FLII: variants seen among roughly 807,000 people sequenced by gnomAD.
FLII encodes the protein protein flightless-1 homolog.
FLII carries 101 observed loss-of-function variants against 156.2 expected under a neutral mutation model. The observed-to-expected ratio is 0.65, with a 90% confidence interval of 0.55 to 0.76. FLII has a LOEUF of 0.76. FLII is among the 30% of genes least tolerant of loss of function. The pLI is 0.00. For synonymous variants in FLII, 767 were observed against 685.8 expected, an observed-to-expected ratio of 1.12 and a Z score of -1.85; for missense variants, 1,675 against 1,682.8, an observed-to-expected ratio of 1.00 and a Z score of 0.08.
intron 11 of FLII, 83 bp from the exon 12 acceptor site, chr17:18,251,899 C>CA: frequency 6.2e-7 from 1 of 1,605,656 alleles, no homozygotes. Context: ...CAACTCCACC[C>CA]ACCAGGGTCC....
rs1328401981 is a variant in FLII, at chr17:18,254,798, G to A, written c.384C>T (p.Asn128=). The A allele has an allele frequency of 8.7e-6, 14 of 1,614,158 alleles. No homozygotes were observed. Among genetic ancestry groups the A allele is most frequent in the Non-Finnish European group, 1.2e-5 (14 of 1,180,026 alleles). ...ECPRELENAK[N]MLVLNLSHNS... ...TGTGGCTGAGGTTCAGCACCAGCAT[G>A]TTCTTGGCGTTCTCCAGCTCCCGCG... Residue 128 remains asparagine, a synonymous_variant, in exon 5 of 30, where the codon AAC becomes AAT. Coordinates refer to ENST00000327031, the MANE Select transcript of FLII (RefSeq NM_002018.4).
At chr17:18,247,538 T>G (rs2048118867) in intron 20 of FLII, 119 bp downstream of exon 20, 1 of 1,100,738 alleles carries the variant, frequency 9.1e-7, no homozygotes, top group Non-Finnish European at 1.3e-6. Flanking sequence ...CTGGGCAGAG[T>G]CAGCAAAGAG....
chr17:18,246,771 C>T lies in FLII; in HGVS notation c.2874G>A (p.Lys958=), dbSNP rs2048074206. Residue 958 remains lysine, a synonymous_variant, in exon 23 of 30, where the codon AAG becomes AAA. Coordinates refer to ENST00000327031, the MANE Select transcript of FLII (RefSeq NM_002018.4). ...CTTCCTCGCCTTCTTTGCCCTCGGC[C>T]TTCTCCTCCTTGTCTTCCTTCTTTT... ...EEEKKEDKEE[K]AEGKEGEEAT... is the part of the protein sequence containing the mutation. 6.2e-7 allele frequency: 1 copy of T among 1,613,936 alleles called. No individual in the cohort carries two copies. Among genetic ancestry groups the T allele is most frequent in the Non-Finnish European group, 8.5e-7 (1 of 1,179,898 alleles).
At position 18,245,808 on chromosome 17, in the gene FLII, C is replaced by T. The variant is rs770548748; in HGVS notation, c.3439G>A (p.Gly1147Ser). 1.2e-6 allele frequency: 2 copies of T among 1,614,042 alleles called. No individual in the cohort carries two copies. The highest frequency in any genetic ancestry group is 2.2e-5 in the East Asian group (1 of 44,866). ...GEEPENFFWV[G>S]IGAQKPYDDD... ...TCATAGGGCTTCTGTGCCCCAATGC[C>T]CACCCAGAAGAAGTTCTCAGGCTCC... The change falls in exon 27 of 30, where the codon GGC (glycine) becomes AGC (serine). Residue 1147 changes from glycine (G) to serine (S), a missense_variant. Around this residue, in one of 2 missense-constraint regions of FLII, gnomAD observed 1,332 missense variants for 1,269.3 expected, o/e 1.05. Transcript: ENST00000327031.
Position 18,258,419 on chromosome 17 carries a change from G to A in FLII, c.63+209C>T, listed in dbSNP as rs925664369. 2.1e-6 allele frequency: 3 copies of A among 1,430,998 alleles called. No individual in the cohort carries two copies. Among genetic ancestry groups the A allele is most frequent in the Non-Finnish European group, 2.8e-6 (3 of 1,070,390 alleles). 88.6% of individuals were successfully genotyped at this position (1,430,998 alleles called of 1,614,324 possible). On this transcript the variant is annotated intron_variant, in intron 1 of 29. Coordinates refer to ENST00000327031, the MANE Select transcript of FLII (RefSeq NM_002018.4). The surrounding 1 kb of genome is among the most constrained non-coding windows in gnomAD (Gnocchi z 4.2). ...ACTCCGAGCCCAAGCGTCCGTCCCC[G>A]GCCTGCCCAGCCTCGGTCTCCCCGT...
chr17:18,252,106 G>A lies in FLII; in HGVS notation c.1139C>T (p.Pro380Leu). 6.2e-7 allele frequency: 1 copy of A among 1,613,404 alleles called. No individual in the cohort carries two copies. The highest frequency in any genetic ancestry group is 8.5e-7 in the Non-Finnish European group (1 of 1,180,028). ...VRENPNLVMP[P>L]KPADRAAEWY... ...CTCAGCGGCACGGTCTGCGGGCTTG[G>A]GCGGCATGACCAGGTTGGGGTTCTC... The change falls in exon 11 of 30, where the codon CCC (proline) becomes CTC (leucine). Residue 380 changes from proline to leucine, a missense_variant. This residue lies in a region of FLII where 1,332 missense variants were observed against 1,269.3 expected (regional missense o/e 1.05). Coordinates refer to ENST00000327031, the MANE Select transcript of FLII (RefSeq NM_002018.4).
intron 29 of FLII, 24 bp downstream of exon 29, chr17:18,245,330 C>T (rs775707771): frequency 2.0e-5 from 32 of 1,614,002 alleles, no homozygotes; most frequent in African/African-American, 6.7e-5. Context: ...AGGCCCACCT[C>T]GGCCCTCCCT....
Position 18,255,172 on chromosome 17 carries a change from T to C in FLII, c.327+11A>G. 1 of 1,606,902 alleles carries C rather than the reference T, an allele frequency of 6.2e-7. No individual in the cohort carries two copies. The highest frequency in any genetic ancestry group is 1.1e-5 in the South Asian group (1 of 90,950). The stretch of plus-strand genomic sequence containing the variant: ...CTAGCACAGGGGCCAGGTGAGTGGG[T>C]AGCCACTGACCAGGACTGAGAGATC... On this transcript the variant is annotated intron_variant, in intron 4 of 29. Transcript: ENST00000327031.
At position 18,248,831 on chromosome 17, in the gene FLII, G is replaced by A; in HGVS notation, c.1987C>T (p.Gln663Ter). The A allele has an allele frequency of 6.2e-7, 1 of 1,613,798 alleles. No individual in the cohort carries two copies. The highest frequency in any genetic ancestry group is 1.3e-5 in the African/African-American group (1 of 75,052). Residue 663 changes from glutamine (Q) to a stop codon, truncating the protein, a stop_gained, in exon 17 of 30, where the codon CAG (glutamine) becomes TAG (stop). Coordinates refer to ENST00000327031, the MANE Select transcript of FLII (RefSeq NM_002018.4). LOFTEE classifies it high-confidence loss of function. Reference protein sequence around the residue: ...GLDIYVWRGAQATLSSTTKAR... With the variant: ...GLDIYVWRGA Reference sequence around the variant, plus strand: ...TTGGTGGTGCTGCTCAGTGTGGCCTGGGCCCCCCGCCATACGTAGATGTCT... The same window carrying A: ...TTGGTGGTGCTGCTCAGTGTGGCCTAGGCCCCCCGCCATACGTAGATGTCT...
intron 16 of FLII, 90 bp from the exon 17 acceptor site, chr17:18,248,973 T>C: frequency 7.0e-7 from 1 of 1,422,228 alleles, no homozygotes; most frequent in Non-Finnish European, 9.9e-7. Context: ...AATCCCTCAC[T>C]ATGGGGTTTC....
intron 10 of FLII, 49 bp downstream of exon 10, chr17:18,252,423 C>T: frequency 6.4e-7 from 1 of 1,563,776 alleles, no homozygotes; most frequent in Non-Finnish European, 8.8e-7. Flanking sequence ...CTCCAGGGCA[C>T]ACCCCTTGCT....
rs748524652 is a variant in FLII at position 18,252,120 on chromosome 17, G to A, written c.1125C>T (p.Asn375=). 6.2e-7 allele frequency: 1 copy of A among 1,613,392 alleles called. No individual in the cohort carries two copies. The highest frequency in any genetic ancestry group is 1.1e-5 in the South Asian group (1 of 91,090). Residue 375 remains asparagine, a synonymous_variant, in exon 11 of 30, where the codon AAC becomes AAT. Transcript: ENST00000327031. The stretch of plus-strand genomic sequence containing the variant: ...CTGCGGGCTTGGGCGGCATGACCAG[G>A]TTGGGGTTCTCCCGCACATCCAGGA... ...IEVLDVRENP[N]LVMPPKPADR...
Position 18,258,379 on chromosome 17 carries a change from C to A in FLII, c.63+249G>T, listed in dbSNP as rs887764867. ...CGGACGCGGGGTGGGGGCTCCCGGC[C>A]GGGCCCCCGGCGGGACTCCGAGCCC... On this transcript the variant is annotated intron_variant, in intron 1 of 29. Coordinates refer to ENST00000327031, the MANE Select transcript of FLII (RefSeq NM_002018.4). The surrounding 1 kb of genome is among the most constrained non-coding windows in gnomAD (Gnocchi z 4.2). The A allele has an allele frequency of 2.8e-6, 3 of 1,088,398 alleles. No homozygotes were observed. Among genetic ancestry groups the A allele is most frequent in the Middle Eastern group, 2.2e-4 (1 of 4,636 alleles). The allele number at this position is 1,088,398 out of a possible 1,614,324, so 67.4% of individuals were successfully genotyped here.
At position 18,256,940 on chromosome 17, in the gene FLII, A is replaced by T. The variant is rs1229031001; in HGVS notation, c.143T>A (p.Leu48Gln). The T allele has an allele frequency of 3.1e-6, 5 of 1,611,536 alleles. No homozygotes were observed. The highest frequency in any genetic ancestry group is 3.4e-6 in the Non-Finnish European group (4 of 1,179,074). ...CTGCAGGGCGGCCAGCTCCTCGGGC[A>T]GGTAGCAGAGGCCAGTGCGGTTCAG... ...LKLNRTGLCY[L>Q]PEELAALQKL... The change falls in exon 2 of 30, where the codon CTG becomes CAG. Residue 48 changes from leucine to glutamine, a missense_variant. Physicochemically the swap from Leu to Gln is moderately radical, Grantham distance 113 (BLOSUM62 -2). Around this residue, in one of 2 missense-constraint regions of FLII, gnomAD observed 343 missense variants for 413.5 expected, o/e 0.83. Coordinates refer to ENST00000327031, the MANE Select transcript of FLII (RefSeq NM_002018.4).
Position 18,249,325 on chromosome 17 carries a change from C to T in FLII, c.1859+1G>A. 1 of 1,614,106 alleles carries T rather than the reference C, an allele frequency of 6.2e-7. No homozygotes were observed. The highest frequency in any genetic ancestry group is 8.5e-7 in the Non-Finnish European group (1 of 1,179,918). On this transcript the variant is annotated splice_donor_variant, in intron 15 of 29. Transcript: ENST00000327031. LOFTEE classifies it high-confidence loss of function. ...ACCCCCCACTGCCCACACACCCTCACCTGGTGACATAGTGTGTGTCTTCCA... is the reference window on the plus strand; with the variant it reads ...ACCCCCCACTGCCCACACACCCTCATCTGGTGACATAGTGTGTGTCTTCCA...
rs753843419 is a variant in FLII, at chr17:18,245,232, G to T, written c.3716C>A (p.Pro1239Gln). The T allele has an allele frequency of 6.2e-7, 1 of 1,613,898 alleles. No homozygotes were observed. ...QHMRSKEHER[P>Q]RRLRLVRKGN... Reference sequence around the variant, plus strand: ...CTTGCGGACCAGGCGCAGCCGGCGCGGCCGCTCATGTTCCTTGGACCGCAT... The same window carrying T: ...CTTGCGGACCAGGCGCAGCCGGCGCTGCCGCTCATGTTCCTTGGACCGCAT... The change falls in exon 30 of 30, where the codon CCG becomes CAG. Residue 1239 changes from proline to glutamine, a missense_variant. Around this residue, in one of 2 missense-constraint regions of FLII, gnomAD observed 1,332 missense variants for 1,269.3 expected, o/e 1.05. Coordinates refer to ENST00000327031, the MANE Select transcript of FLII (RefSeq NM_002018.4).
chr17:18,249,306 C>G lies in FLII; in HGVS notation c.1859+20G>C, dbSNP rs1350454134. 1.2e-6 allele frequency: 2 copies of G among 1,613,084 alleles called. No individual in the cohort carries two copies. The highest frequency in any genetic ancestry group is 1.7e-6 in the Non-Finnish European group (2 of 1,179,120). On this transcript the variant is annotated intron_variant, in intron 15 of 29. Transcript: ENST00000327031. Reference sequence around the variant, plus strand: ...CAGCAGACTCCAGGTCCATACCCCCCACTGCCCACACACCCTCACCTGGTG... The same window carrying G: ...CAGCAGACTCCAGGTCCATACCCCCGACTGCCCACACACCCTCACCTGGTG...
intron 3 of FLII, among the ~76,000 whole-genome samples, chr17:18,256,052 G>A (rs986965883): frequency 6.6e-6 from 1 of 152,246 alleles, no homozygotes; most frequent in East Asian, 1.9e-4. Context: ...GTTCTGGGAC[G>A]TTCAAGTCTT....
chr17:18,247,132 C>CG (rs929003052), intron 21 of FLII, 37 bp downstream of exon 21: 15 of 536,250 alleles, frequency 2.8e-5, no homozygotes, highest in South Asian at 4.5e-5. Context: ...TGCCCCCCAC[C>CG]CCCCCCCCCG....
Sources: allele counts gnomAD v4.1 joint callset (sites outside exome capture counted in the v4.1 genomes callset), GRCh38; gene constraint gnomAD v4.1.1; regional missense constraint gnomAD v4.1.1; non-coding constraint Gnocchi (gnomAD v3.1); transcripts MANE v1.5; gene names NCBI Gene and HGNC (gene_info 2026-07-23, HGNC 2026-07-21).